The following RIMBP2 variants were observed in gnomAD, a reference collection of about 807,000 sequenced individuals.
RIMBP2 encodes the protein RIMS-binding protein 2.
RIMBP2 carries 48 observed loss-of-function variants against 118.6 expected under a neutral mutation model. That is an observed-to-expected ratio of 0.40 (90% CI 0.32 to 0.51). RIMBP2 has a LOEUF of 0.51. Among genes scored for constraint, RIMBP2 ranks in the 20% least tolerant of loss-of-function variants. RIMBP2 has a pLI of 0.41. For synonymous variants in RIMBP2, 762 were observed against 742.9 expected (o/e 1.03, Z -0.42); for missense variants, 1,551 against 1,768.3 (o/e 0.88, Z 2.20).
intron 2 of RIMBP2, among the ~76,000 whole-genome samples, chr12:130,543,902 G>T (rs1175380415): frequency 2.0e-5 from 3 of 152,162 alleles, no homozygotes; most frequent in Non-Finnish European, 1.5e-5. Flanking sequence ...GTCCTGCTAG[G>T]CACTCAGGAT....
chr12:130,428,155 G>T, intron 15 of RIMBP2, 24 bp downstream of exon 15: 1 of 1,563,866 alleles, frequency 6.4e-7, no homozygotes, highest in Non-Finnish European at 8.7e-7. Flanking sequence ...CGGAGTGCAG[G>T]GTCCCCCTTC....
At chr12:130,628,095 CT>C (rs1402867219) in intron 2 of RIMBP2, among the ~76,000 whole-genome samples, 1 of 152,214 alleles carries the variant, frequency 6.6e-6, no homozygotes, top group Non-Finnish European at 1.5e-5. Flanking sequence ...GCATCAAGTT[CT>C]TTCTTGCCTC....
intron 2 of RIMBP2, among the ~76,000 whole-genome samples, chr12:130,602,069 C>T (rs11609555): frequency 0.66 from 100,742 of 152,036 alleles, 33,557 homozygotes; most frequent in South Asian, 0.81. Context: ...GAGGCCGAGG[C>T]GGGTGGATCA....
chr12:130,692,850 A>ATAGGG (rs762175825), intron 1 of RIMBP2, among the ~76,000 whole-genome samples: 10,868 of 80,680 alleles, frequency 0.13, 1,322 homozygotes, highest in East Asian at 0.24. Flanking sequence ...ATGGGATGGG[A>ATAGGG]TAGGGTAGGG....
At chr12:130,649,481 G>A (rs2063134176) in intron 1 of RIMBP2, among the ~76,000 whole-genome samples, 1 of 152,214 alleles carries the variant, frequency 6.6e-6, no homozygotes, top group Admixed American at 6.5e-5. Context: ...CAAGCCACGT[G>A]GCCACCCAGA....
chr12:130,525,663 GAGA>G lies in RIMBP2; in HGVS notation c.-216-7749_-216-7747del, dbSNP rs2052699949. ...ATGGGGAAGGCATGAGGGCAGCAGAGAGAAGGACGGGGCACTTGGGGATGAGAT... is the reference window on the plus strand; with the variant it reads ...ATGGGGAAGGCATGAGGGCAGCAGAGAGGACGGGGCACTTGGGGATGAGAT... On this transcript the variant is annotated intron_variant, in intron 2 of 22. Coordinates refer to ENST00000690449, the MANE Select transcript of RIMBP2 (RefSeq NM_001393629.1). This position sits in a 1 kb window ranked among gnomAD's most constrained non-coding sequence, Gnocchi z 4.4. Among the ~76,000 whole-genome samples, 1 of 152,198 alleles carries G rather than the reference GAGA, an allele frequency of 6.6e-6. No homozygotes were observed. The highest frequency in any genetic ancestry group is 1.5e-5 in the Non-Finnish European group (1 of 68,040).
At chr12:130,462,164 G>A (rs1366217183) in intron 6 of RIMBP2, among the ~76,000 whole-genome samples, 1 of 152,188 alleles carries the variant, frequency 6.6e-6, no homozygotes, top group African/African-American at 2.4e-5. Context: ...CCCTGTAGAT[G>A]CCCCCGGCTG....
rs1259892354 is a variant in RIMBP2 at position 130,523,678 on chromosome 12, C to T, written c.-216-5761G>A. Among the ~76,000 whole-genome samples the T allele has an allele frequency of 6.6e-6, 1 of 152,212 alleles. No homozygotes were observed. The highest frequency in any genetic ancestry group is 2.4e-5 in the African/African-American group (1 of 41,464). ...TCAATTTTATTCATTTCAATAATCCCTCCACCACCACCACTGAGTGTGTAT... is the reference window on the plus strand; with the variant it reads ...TCAATTTTATTCATTTCAATAATCCTTCCACCACCACCACTGAGTGTGTAT... On this transcript the variant is annotated intron_variant, in intron 2 of 22. Transcript: ENST00000690449. The surrounding 1 kb of genome is among the most constrained non-coding windows in gnomAD (Gnocchi z 4.4).
At chr12:130,637,307 C>A (rs2062396270) in intron 1 of RIMBP2, among the ~76,000 whole-genome samples, 1 of 152,200 alleles carries the variant, frequency 6.6e-6, no homozygotes, top group Non-Finnish European at 1.5e-5. Flanking sequence ...GAGTAGAGTC[C>A]TTGTTGGTCT....
At chr12:130,664,734 T>A (rs1317972883) in intron 1 of RIMBP2, among the ~76,000 whole-genome samples, 1 of 151,820 alleles carries the variant, frequency 6.6e-6, no homozygotes, top group African/African-American at 2.4e-5. Flanking sequence ...CCAAAAGACA[T>A]GGGAACCAGC....
intron 2 of RIMBP2, among the ~76,000 whole-genome samples, chr12:130,551,018 G>C (rs368941331): frequency 1.2e-4 from 18 of 152,220 alleles, no homozygotes; most frequent in African/African-American, 4.1e-4. Context: ...CCAGAAGCTG[G>C]TGTCTATGTG....
At chr12:130,505,449 G>T (rs949761744) in intron 4 of RIMBP2, among the ~76,000 whole-genome samples, 1 of 147,248 alleles carries the variant, frequency 6.8e-6, no homozygotes, top group Non-Finnish European at 1.5e-5. Flanking sequence ...CCCCTTAGTG[G>T]TCACTCCTCA....
rs1375598806 is a variant in RIMBP2, at chr12:130,469,611, C to T, written c.153+1082G>A. 2.0e-5 allele frequency among the ~76,000 whole-genome samples: 3 copies of T among 152,170 alleles called. No individual in the cohort carries two copies. Among genetic ancestry groups the T allele is most frequent in the Non-Finnish European group, 4.4e-5 (3 of 68,038 alleles). Reference sequence around the variant, plus strand: ...CCAGATAGTCATTAACTAATGGAGGCTTTCAGAAAATCCATTTTAATATAT... The same window carrying T: ...CCAGATAGTCATTAACTAATGGAGGTTTTCAGAAAATCCATTTTAATATAT... On this transcript the variant is annotated intron_variant, in intron 6 of 22. Coordinates refer to ENST00000690449, the MANE Select transcript of RIMBP2 (RefSeq NM_001393629.1). This position sits in a 1 kb window ranked among gnomAD's most constrained non-coding sequence, Gnocchi z 4.8.
In RIMBP2 at chr12:130,424,185, G is replaced by T. The variant is rs941831409; in HGVS notation, c.3086C>A (p.Ala1029Asp). ...SITMPDSRAAAPHAKPPPRVA... is the reference protein window; with the variant it reads ...SITMPDSRAADPHAKPPPRVA... ...TCTGGGAGGTGGCTTTGCGTGGGGG[G>T]CAGCTGCCCTACTGTCGGGCATGGT... The change falls in exon 16 of 23, where the codon GCC becomes GAC. Residue 1029 changes from alanine (A) to aspartate (D), a missense_variant. Coordinates refer to ENST00000690449, the MANE Select transcript of RIMBP2 (RefSeq NM_001393629.1). This position sits in a 1 kb window ranked among gnomAD's most constrained non-coding sequence, Gnocchi z 9.8. 8.1e-7 allele frequency: 1 copy of T among 1,232,146 alleles called. No individual in the cohort carries two copies. The highest frequency in any genetic ancestry group is 1.5e-5 in the African/African-American group (1 of 64,520). The allele number at this position is 1,232,146 out of a possible 1,614,324, so 76.3% of individuals were successfully genotyped here. A position where few individuals can be genotyped will look rare whatever the true frequency, so the allele number is the denominator to read the frequency against.
At chr12:130,648,236 C>T (rs1166920444) in intron 1 of RIMBP2, among the ~76,000 whole-genome samples, 1 of 145,834 alleles carries the variant, frequency 6.9e-6, no homozygotes, top group East Asian at 1.9e-4. Flanking sequence ...CCATTTCGTG[C>T]GCCACTAATG....
chr12:130,556,587 A>AC (rs1156654139), intron 2 of RIMBP2, among the ~76,000 whole-genome samples: 7 of 152,224 alleles, frequency 4.6e-5, no homozygotes, highest in Non-Finnish European at 7.3e-5. Context: ...GGTGACCCCC[A>AC]CATGGGGAGA....
In RIMBP2 at chr12:130,688,997, C is replaced by T. The variant is rs1473988982; in HGVS notation, c.-352+27225G>A. ...TCTGTCCCTTTTCATTTCTGAAAAG[C>T]GCCGGTTACAGCCCACAAAATTGAT... On this transcript the variant is annotated intron_variant, in intron 1 of 22. Transcript: ENST00000690449. The surrounding 1 kb of genome is among the most constrained non-coding windows in gnomAD (Gnocchi z 4.7). Among the ~76,000 whole-genome samples the T allele has an allele frequency of 6.6e-6, 1 of 152,248 alleles. No homozygotes were observed. Among genetic ancestry groups the T allele is most frequent in the Non-Finnish European group, 1.5e-5 (1 of 68,048 alleles).
chr12:130,399,244 TAAA>T, intron 22 of RIMBP2: 1 of 761,446 alleles, frequency 1.3e-6, no homozygotes, highest in Non-Finnish European at 1.8e-6. Flanking sequence ...TGAAATAAAA[TAAA>T]AATGAGATAC....
intron 21 of RIMBP2, among the ~76,000 whole-genome samples, chr12:130,400,236 T>TG (rs1565976805): frequency 6.6e-6 from 1 of 152,194 alleles, no homozygotes; most frequent in Non-Finnish European, 1.5e-5. Context: ...GGTGGGGACC[T>TG]GGTGGTCCTA....
Sources: allele counts gnomAD v4.1 joint callset (sites outside exome capture counted in the v4.1 genomes callset), GRCh38; gene constraint gnomAD v4.1.1; non-coding constraint Gnocchi (gnomAD v3.1); transcripts MANE v1.5; gene names NCBI Gene and HGNC (gene_info 2026-07-23, HGNC 2026-07-21).